Variants in LALBA observed in about 807,000 individuals in gnomAD.
LALBA encodes the protein alpha-lactalbumin.
In LALBA, 12 loss-of-function variants were observed where a neutral mutation model predicts 13.4. The observed-to-expected ratio is 0.89, with a 90% CI of 0.57 to 1.45. LALBA has a LOEUF of 1.45. Among genes scored for constraint, LALBA ranks in the 40% most tolerant of loss-of-function variants. The pLI is 0.00. For synonymous variants in LALBA, 64 were observed against 61.0 expected (o/e 1.05, Z -0.23); for missense variants, 145 against 165.9 (o/e 0.87, Z 0.69).
At chr12:48,570,158 A>G (rs762669852), upstream of LALBA, 1 of 873,964 alleles carries the variant, frequency 1.1e-6, no homozygotes, top group Non-Finnish European at 1.8e-6. Flanking sequence ...ATGCCAAGAC[A>G]GAAACGCTGA....
chr12:48,571,710 T>A (rs918955996), upstream of LALBA, among the ~76,000 whole-genome samples: 1 of 152,128 alleles, frequency 6.6e-6, no homozygotes, highest in Admixed American at 6.6e-5. Flanking sequence ...AGGGAACATT[T>A]ATCCCAACCA....
At position 48,567,874 on chromosome 12, in the gene LALBA, A is replaced by C; in HGVS notation, c.*83T>G. 8.6e-7 allele frequency: 1 copy of C among 1,159,926 alleles called. No individual in the cohort carries two copies. Among genetic ancestry groups the C allele is most frequent in the Non-Finnish European group, 1.3e-6 (1 of 788,852 alleles). 71.9% of individuals were successfully genotyped at this position (1,159,926 alleles called of 1,614,324 possible). A position where few individuals can be genotyped will look rare whatever the true frequency, so the allele number is the denominator to read the frequency against. On this transcript the variant is annotated 3_prime_UTR_variant, in exon 4 of 4. Transcript: ENST00000301046. ...AGAGACAGATAAGCTTTGGGGGAAC[A>C]GAAAGAAACAAACTGAGGTGGCATT...
In LALBA at chr12:48,567,952, G is replaced by C. The variant is rs1565588144; in HGVS notation, c.*5C>G. The C allele has an allele frequency of 1.2e-6, 2 of 1,604,362 alleles. No individual in the cohort carries two copies. Among genetic ancestry groups the C allele is most frequent in the Non-Finnish European group, 1.7e-6 (2 of 1,175,728 alleles). On this transcript the variant is annotated 3_prime_UTR_variant, in exon 4 of 4. Coordinates refer to ENST00000301046, the MANE Select transcript of LALBA (RefSeq NM_002289.3). ...GTGGGCAGGGGTGCCAAGGACAGCA[G>C]ACACTCACAACTTCTCACAAAGCCA...
At chr12:48,571,176 T>C (rs534152166), upstream of LALBA, among the ~76,000 whole-genome samples, 24 of 152,014 alleles carry the variant, frequency 1.6e-4, no homozygotes, top group African/African-American at 5.3e-4. Context: ...AGTGGAAAGA[T>C]TGGACTTTAA....
upstream of LALBA, among the ~76,000 whole-genome samples, chr12:48,570,594 G>A (rs915838188): frequency 1.2e-4 from 19 of 152,112 alleles, no homozygotes; most frequent in African/African-American, 4.6e-4. Flanking sequence ...CTCAGAAATA[G>A]GAATAGAATA....
At chr12:48,568,125 C>G (rs1285240815) in intron 3 of LALBA, 108 bp from the exon 4 acceptor site, 26 of 856,542 alleles carry the variant, frequency 3.0e-5, no homozygotes, top group Middle Eastern at 2.2e-4. Flanking sequence ...GAAAGACATT[C>G]CTGGCCTGAT....
In LALBA at chr12:48,567,838, G is replaced by T; in HGVS notation, c.*119C>A. ...AAGAATTCGGTGATGTCACTACAGGGCCCAAGGCTCAGAGACAGATAAGCT... is the reference window on the plus strand; with the variant it reads ...AAGAATTCGGTGATGTCACTACAGGTCCCAAGGCTCAGAGACAGATAAGCT... On this transcript the variant is annotated 3_prime_UTR_variant, in exon 4 of 4. Coordinates refer to ENST00000301046, the MANE Select transcript of LALBA (RefSeq NM_002289.3). 3.5e-6 allele frequency: 3 copies of T among 851,520 alleles called. No homozygotes were observed. The highest frequency in any genetic ancestry group is 5.8e-6 in the Non-Finnish European group (3 of 519,702). 52.7% of individuals were successfully genotyped at this position (851,520 alleles called of 1,614,324 possible).
intron 1 of LALBA, 103 bp from the exon 2 acceptor site, chr12:48,569,343 G>T: frequency 1.0e-6 from 1 of 975,716 alleles, no homozygotes; most frequent in Non-Finnish European, 1.5e-6. Flanking sequence ...AATCTCCAAA[G>T]ATGGCAAAGC....
upstream of LALBA, among the ~76,000 whole-genome samples, chr12:48,570,522 C>G (rs982830851): frequency 3.3e-5 from 5 of 152,110 alleles, no homozygotes; most frequent in Admixed American, 1.3e-4. Flanking sequence ...CTTGTCCAAC[C>G]AATCCAGCCA....
In LALBA at chr12:48,568,009, T is replaced by G; in HGVS notation, c.377A>C (p.His126Pro). 6.3e-7 allele frequency: 1 copy of G among 1,598,064 alleles called. No homozygotes were observed. The highest frequency in any genetic ancestry group is 8.5e-7 in the Non-Finnish European group (1 of 1,172,220). ...DIKGIDYWLAHKALCTEKLEQ... is the reference protein window; with the variant it reads ...DIKGIDYWLAPKALCTEKLEQ... ...CAGCTTCTCAGTGCAGAGGGCTTTA[T>G]GGGCCAACCTGATAATGGAGAAGGG... The change falls in exon 4 of 4, where the codon CAT becomes CCT. Residue 126 changes from histidine (H) to proline (P), a missense_variant. His to Pro is a moderately conservative substitution (Grantham distance 77). Transcript: ENST00000301046.
At chr12:48,568,764 C>A (rs1395677681) in intron 2 of LALBA, among the ~76,000 whole-genome samples, 172 bp from the exon 3 acceptor site, 1 of 152,158 alleles carries the variant, frequency 6.6e-6, no homozygotes, top group Non-Finnish European at 1.5e-5. Flanking sequence ...GTAGGGACTT[C>A]CTTCATTTCC....
At chr12:48,569,280 A>T (rs752196692) in intron 1 of LALBA, 40 bp from the exon 2 acceptor site, 1 of 1,540,302 alleles carries the variant, frequency 6.5e-7, no homozygotes, top group Non-Finnish European at 8.9e-7. Flanking sequence ...AGAGATGTAC[A>T]GGATCTGCAT....
intron 1 of LALBA, 48 bp from the exon 2 acceptor site, chr12:48,569,288 C>T: frequency 6.8e-7 from 1 of 1,479,140 alleles, no homozygotes; most frequent in Non-Finnish European, 9.2e-7. Flanking sequence ...ACAGGATCTG[C>T]ATAAAGGAGG....
Position 48,567,934 on chromosome 12 carries a change from G to A in LALBA, c.*23C>T, listed in dbSNP as rs1938587217. On this transcript the variant is annotated 3_prime_UTR_variant, in exon 4 of 4. Transcript: ENST00000301046. The stretch of plus-strand genomic sequence containing the variant: ...GTATTCCAGGAGTGTGGAGTGGGCA[G>A]GGGTGCCAAGGACAGCAGACACTCA... 6.3e-7 allele frequency: 1 copy of A among 1,593,098 alleles called. No homozygotes were observed. The highest frequency in any genetic ancestry group is 8.6e-7 in the Non-Finnish European group (1 of 1,167,068).
Position 48,569,893 on chromosome 12 carries a change from G to C in LALBA, c.128C>G (p.Pro43Arg), listed in dbSNP as rs902377835. 1 of 1,613,892 alleles carries C rather than the reference G, an allele frequency of 6.2e-7. No individual in the cohort carries two copies. Among genetic ancestry groups the C allele is most frequent in the African/African-American group, 1.3e-5 (1 of 75,030 alleles). Residue 43 changes from proline (P) to arginine (R), a missense_variant, in exon 1 of 4, where the codon CCT becomes CGT. By Grantham distance (103) the Pro-to-Arg change is moderately radical (BLOSUM62 -2). Transcript: ENST00000301046. The part of the protein sequence containing the change: ...DIDGYGGIAL[P>R]ELICTMFHTS... ...CACAGAGGCAGGGAACTCACATTCA[G>C]GCAAAGCGATGCCTCCATAACCATC...
Position 48,567,871 on chromosome 12 carries a change from A to G in LALBA, c.*86T>C. 2 of 1,113,374 alleles carry G rather than the reference A, an allele frequency of 1.8e-6. No individual in the cohort carries two copies. The highest frequency in any genetic ancestry group is 2.7e-6 in the Non-Finnish European group (2 of 747,466). 69.0% of individuals were successfully genotyped at this position (1,113,374 alleles called of 1,614,324 possible). A position where few individuals can be genotyped will look rare whatever the true frequency, so the allele number is the denominator to read the frequency against. On this transcript the variant is annotated 3_prime_UTR_variant, in exon 4 of 4. Transcript: ENST00000301046. ...CTCAGAGACAGATAAGCTTTGGGGG[A>G]ACAGAAAGAAACAAACTGAGGTGGC...
chr12:48,569,809 A>AG (rs1291592485), intron 1 of LALBA, 79 bp downstream of exon 1: 1 of 1,381,936 alleles, frequency 7.2e-7, no homozygotes, highest in African/African-American at 1.4e-5. Flanking sequence ...GTAAAAGTGG[A>AG]GGGGCGAAGT....
chr12:48,569,544 T>C (rs1044004054), intron 1 of LALBA, among the ~76,000 whole-genome samples: 1 of 152,042 alleles, frequency 6.6e-6, no homozygotes, highest in African/African-American at 2.4e-5. Context: ...TGAAACCCTG[T>C]CTCTACAAAA....
upstream of LALBA, among the ~76,000 whole-genome samples, chr12:48,570,595 G>T (rs948652948): frequency 3.9e-5 from 6 of 152,096 alleles, no homozygotes; most frequent in African/African-American, 9.7e-5. Context: ...TCAGAAATAG[G>T]AATAGAATAT....
Sources: gnomAD v4.1 joint callset for allele counts (sites outside exome capture counted in the v4.1 genomes callset) on GRCh38, gnomAD v4.1.1 for gene constraint, MANE v1.5 for transcripts, NCBI Gene and HGNC (gene_info 2026-07-23, HGNC 2026-07-21) for gene names.